Variants in CDS2 observed in about 807,000 individuals in gnomAD.
The protein encoded by CDS2 is CDP-diacylglycerol synthase 2, also known as phosphatidate cytidylyltransferase 2.
CDS2 carries 47 observed loss-of-function variants against 59.0 expected under a neutral mutation model. The observed-to-expected ratio is 0.80, with a 90% confidence interval of 0.63 to 1.02. CDS2 has a LOEUF of 1.02. CDS2 is among the 50% of genes least tolerant of loss of function. The pLI, the probability that CDS2 is intolerant of heterozygous loss-of-function variation, is 0.00. For missense variants in CDS2, 356 were observed against 558.9 expected (o/e 0.64, Z 3.66); for synonymous variants, 207 against 206.4 (o/e 1.00, Z -0.02).
chr20:5,175,051 G>A (rs1040458929), intron 2 of CDS2, 132 bp from the exon 3 acceptor site: 24 of 683,762 alleles, frequency 3.5e-5, no homozygotes, highest in South Asian at 1.4e-4. Context: ...TGGTGCCTCC[G>A]TCACGGTGAA....
intron 8 of CDS2, among the ~76,000 whole-genome samples, chr20:5,185,263 C>T (rs141838125): frequency 3.7e-4 from 56 of 152,116 alleles, no homozygotes; most frequent in African/African-American, 1.3e-3. Flanking sequence ...TTTACTAAAA[C>T]ATTTAAAAAT....
intron 12 of CDS2, 85 bp downstream of exon 12, chr20:5,189,923 T>C: frequency 7.3e-7 from 1 of 1,374,738 alleles, no homozygotes; most frequent in South Asian, 1.3e-5. Context: ...TAAGTTCCAG[T>C]GAAAAGCATC....
rs147132755 is a variant in CDS2, at chr20:5,159,989, T to C, written c.58-13534T>C. ...GTTTTTAAAAAAGAGGAAAAAATAATGCAAGATTCAGAATATTGGAGTGGT... is the reference window on the plus strand; with the variant it reads ...GTTTTTAAAAAAGAGGAAAAAATAACGCAAGATTCAGAATATTGGAGTGGT... On this transcript the variant is annotated intron_variant, in intron 1 of 12. Transcript: ENST00000460006. Among the ~76,000 whole-genome samples the C allele has an allele frequency of 3.1e-3, 479 of 152,294 alleles. 2 individuals carry two copies. Among genetic ancestry groups the C allele is most frequent in the African/African-American group, 0.011 (449 of 41,558 alleles).
rs71332879 is a variant in CDS2 at position 5,188,055 on chromosome 20, C to CGTGTGTGTGTGTGT, written c.982-999_982-986dup. Among the ~76,000 whole-genome samples the CGTGTGTGTGTGTGT allele has an allele frequency of 4.8e-3, 717 of 148,886 alleles. 6 individuals carry two copies. The highest frequency in any genetic ancestry group is 0.017 in the African/African-American group (677 of 40,514). ...GAGGTCTGTGATGATTCTTAACGTA[C>CGTGTGTGTGTGTGT]GTGTGTGTGTGTGTGTGTGTGTGTG... On this transcript the variant is annotated intron_variant, in intron 10 of 12. Coordinates refer to ENST00000460006, the MANE Select transcript of CDS2 (RefSeq NM_003818.4).
At chr20:5,144,804 C>G (rs911453344) in intron 1 of CDS2, among the ~76,000 whole-genome samples, 1 of 152,038 alleles carries the variant, frequency 6.6e-6, no homozygotes, top group Admixed American at 6.5e-5. Context: ...AAAATGTTAA[C>G]TGCAGAGGGT....
rs1163905546 is a variant in CDS2 at position 5,192,078 on chromosome 20, C to T, written c.*1844C>T. On this transcript the variant is annotated 3_prime_UTR_variant, in exon 13 of 13. Transcript: ENST00000460006. ...AAGGTGAGTAGGTATCTCAGCAGCACACCCGAACAGTAAAGGTGATCAATA... is the reference window on the plus strand; with the variant it reads ...AAGGTGAGTAGGTATCTCAGCAGCATACCCGAACAGTAAAGGTGATCAATA... 2 of 152,144 alleles carry T rather than the reference C, an allele frequency of 1.3e-5. No individual in the cohort carries two copies. The highest frequency in any genetic ancestry group is 2.9e-5 in the Non-Finnish European group (2 of 68,030). The allele number at this position is 152,144 out of a possible 1,614,324, so 9.4% of individuals were successfully genotyped here.
chr20:5,145,736 A>G (rs1048458851), intron 1 of CDS2, among the ~76,000 whole-genome samples: 7 of 149,808 alleles, frequency 4.7e-5, no homozygotes, highest in Admixed American at 1.3e-4. Flanking sequence ...ACTGACATTC[A>G]TTTCATTGGG....
intron 7 of CDS2, 100 bp downstream of exon 7, chr20:5,183,243 G>A (rs2091044130): frequency 1.0e-6 from 1 of 952,994 alleles, no homozygotes; most frequent in African/African-American, 1.6e-5. Flanking sequence ...AGCCACATCA[G>A]AATCCTCTGC....
chr20:5,187,576 A>G (rs939045896), intron 10 of CDS2: 3 of 152,318 alleles, frequency 2.0e-5, no homozygotes, highest in Admixed American at 6.5e-5. Context: ...AAGTGAGCCT[A>G]TCACTTTAAA....
At chr20:5,143,113 G>T (rs1352376495) in intron 1 of CDS2, among the ~76,000 whole-genome samples, 1 of 152,026 alleles carries the variant, frequency 6.6e-6, no homozygotes, top group African/African-American at 2.4e-5. Context: ...CACAGTGCTG[G>T]TATTATTGGT....
intron 1 of CDS2, among the ~76,000 whole-genome samples, chr20:5,140,404 C>T (rs893887311): frequency 6.6e-6 from 1 of 152,188 alleles, no homozygotes; most frequent in Non-Finnish European, 1.5e-5. Context: ...TGTGATCTCT[C>T]CTCCCTGCAG....
chr20:5,185,146 C>T (rs1367941403), intron 8 of CDS2, among the ~76,000 whole-genome samples: 2 of 151,712 alleles, frequency 1.3e-5, no homozygotes, highest in East Asian at 1.9e-4. Context: ...ATAGGCTGGG[C>T]GTGGTGGGTC....
chr20:5,175,220 G>A lies in CDS2; in HGVS notation c.232G>A (p.Ala78Thr), dbSNP rs1168874389. 1 of 1,613,966 alleles carries A rather than the reference G, an allele frequency of 6.2e-7. No individual in the cohort carries two copies. The highest frequency in any genetic ancestry group is 8.5e-7 in the Non-Finnish European group (1 of 1,179,994). ...GTGGGTGAGAGGCATCCTGACTTTG[G>A]CCATGATTGCATTTTTCTTCATCAT... ...NWWVRGILTL[A>T]MIAFFFIIIY... The change falls in exon 3 of 13, where the codon GCC (alanine) becomes ACC (threonine). Residue 78 changes from alanine to threonine, a missense_variant. Coordinates refer to ENST00000460006, the MANE Select transcript of CDS2 (RefSeq NM_003818.4).
intron 1 of CDS2, among the ~76,000 whole-genome samples, chr20:5,162,449 C>G (rs865978774): frequency 6.6e-6 from 1 of 152,112 alleles, no homozygotes; most frequent in African/African-American, 2.4e-5. Flanking sequence ...TATATAGACT[C>G]GCATGCTGTC....
At position 5,128,659 on chromosome 20, in the gene CDS2, G is replaced by C. The variant is rs2090577286; in HGVS notation, c.57+1510G>C. 3 of 152,300 alleles carry C rather than the reference G, an allele frequency of 2.0e-5. No individual in the cohort carries two copies. The South Asian group carries it at 6.2e-4, about 32-fold the overall frequency. The allele number at this position is 152,300 out of a possible 1,614,324, so 9.4% of individuals were successfully genotyped here. The stretch of plus-strand genomic sequence containing the variant: ...GGGGCTGAGGATTTAGCAGTCGCTT[G>C]CAGAGACAAGATACTTTGAAGTCTC... On this transcript the variant is annotated intron_variant, in intron 1 of 12. Coordinates refer to ENST00000460006, the MANE Select transcript of CDS2 (RefSeq NM_003818.4).
Position 5,127,114 on chromosome 20 carries a change from G to A in CDS2, c.22G>A (p.Val8Met). ...CAGGATGACAGAGCTGAGGCAGAGG[G>A]TGGCCCATGAGCCGGTTGCGCCACC... MTELRQR[V>M]AHEPVAPPED... The change falls in exon 1 of 13, where the codon GTG becomes ATG. Residue 8 changes from valine to methionine, a missense_variant. By Grantham distance (21) the Val-to-Met change is conservative. Around this residue, in one of 5 missense-constraint regions of CDS2, gnomAD observed 107 missense variants for 129.7 expected, o/e 0.82. Transcript: ENST00000460006. 2 of 1,498,932 alleles carry A rather than the reference G, an allele frequency of 1.3e-6. No homozygotes were observed. The highest frequency in any genetic ancestry group is 2.5e-5 in the South Asian group (2 of 79,182). 92.9% of individuals were successfully genotyped at this position (1,498,932 alleles called of 1,614,324 possible).
intron 1 of CDS2, among the ~76,000 whole-genome samples, chr20:5,132,543 CAAAT>C (rs1301296766): frequency 2.0e-5 from 3 of 151,940 alleles, no homozygotes; most frequent in Non-Finnish European, 2.9e-5. Flanking sequence ...TTGAACTACT[CAAAT>C]AAAATATTAA....
In CDS2 at chr20:5,194,693, A is replaced by C. The variant is rs1327457669; in HGVS notation, c.*4459A>C. 1 of 152,130 alleles carries C rather than the reference A, an allele frequency of 6.6e-6. No homozygotes were observed. Among genetic ancestry groups the C allele is most frequent in the Non-Finnish European group, 1.5e-5 (1 of 68,026 alleles). The allele number at this position is 152,130 out of a possible 1,614,324, so 9.4% of individuals were successfully genotyped here. On this transcript the variant is annotated 3_prime_UTR_variant, in exon 13 of 13. Coordinates refer to ENST00000460006, the MANE Select transcript of CDS2 (RefSeq NM_003818.4). The stretch of plus-strand genomic sequence containing the variant: ...GAGAATAGAGGGGCAGAGTTTGTGA[A>C]GTCTAGGGTTTTTTGTCCAGTGGGT...
At chr20:5,131,079 C>A in intron 1 of CDS2, among the ~76,000 whole-genome samples, 1 of 130,120 alleles carries the variant, frequency 7.7e-6, no homozygotes, top group African/African-American at 2.9e-5. Flanking sequence ...GGCGACAGAG[C>A]AAGACTCTGT....
Sources: gnomAD v4.1 joint callset for allele counts (sites outside exome capture counted in the v4.1 genomes callset) on GRCh38, gnomAD v4.1.1 for gene constraint, gnomAD v4.1.1 regional missense constraint, MANE v1.5 for transcripts, NCBI Gene and HGNC (gene_info 2026-07-23, HGNC 2026-07-21) for gene names.